KHDRBS2: variants seen among roughly 807,000 people sequenced by gnomAD.
The protein encoded by KHDRBS2 is KH domain-containing, RNA-binding, signal transduction-associated protein 2.
A neutral mutation model predicts 44.3 loss-of-function variants in KHDRBS2; 26 were observed. That is an observed-to-expected ratio of 0.59 (90% CI 0.43 to 0.81). The LOEUF is 0.81. KHDRBS2 is among the 40% of genes least tolerant of loss of function. The pLI, the probability that KHDRBS2 is intolerant of heterozygous loss-of-function variation, is 0.00. For missense variants in KHDRBS2, 476 were observed against 433.1 expected (o/e 1.10, Z -0.88); for synonymous variants, 194 against 151.1 (o/e 1.28, Z -2.08).
chr6:62,198,723 C>T (rs1043658406), intron 1 of KHDRBS2, among the ~76,000 whole-genome samples: 1 of 152,174 alleles, frequency 6.6e-6, no homozygotes, highest in Non-Finnish European at 1.5e-5. Flanking sequence ...GGAATCCTCC[C>T]TAACTCATTT....
intron 2 of KHDRBS2, among the ~76,000 whole-genome samples, chr6:62,085,483 A>C (rs1345028470): frequency 6.6e-6 from 1 of 152,138 alleles, no homozygotes; most frequent in African/African-American, 2.4e-5. Flanking sequence ...AAAAAAAAGG[A>C]AAAGGCAACA....
chr6:61,997,600 T>C (rs1183815564), intron 3 of KHDRBS2, among the ~76,000 whole-genome samples: 1 of 152,170 alleles, frequency 6.6e-6, no homozygotes, highest in Non-Finnish European at 1.5e-5. Context: ...CTTACCTAAA[T>C]TTAGGACCTT....
At chr6:62,101,249 T>C (rs1801826656) in intron 2 of KHDRBS2, among the ~76,000 whole-genome samples, 1 of 152,160 alleles carries the variant, frequency 6.6e-6, no homozygotes. Context: ...CTAGATGCTA[T>C]GGTCAATCTC....
rs567399981 is a variant in KHDRBS2 at position 62,159,726 on chromosome 6, T to C, written c.219+17459A>G. Among the ~76,000 whole-genome samples the C allele has an allele frequency of 5.8e-4, 88 of 152,324 alleles. 2 individuals are homozygous for C. Among genetic ancestry groups the C allele is most frequent in the African/African-American group, 2.0e-3 (84 of 41,578 alleles). On this transcript the variant is annotated intron_variant, in intron 2 of 8. Coordinates refer to ENST00000281156, the MANE Select transcript of KHDRBS2 (RefSeq NM_152688.4). ...CAATTAACACATATTTTGTATGTTA[T>C]ATGTATTATATACTGTATTACTACA...
At chr6:61,924,459 T>TATTG (rs1808600670) in intron 4 of KHDRBS2, among the ~76,000 whole-genome samples, 1 of 152,096 alleles carries the variant, frequency 6.6e-6, no homozygotes, top group Non-Finnish European at 1.5e-5. Context: ...CTAATCAGGT[T>TATTG]ACAATAAGTC....
intron 7 of KHDRBS2, among the ~76,000 whole-genome samples, chr6:61,700,195 T>G (rs961855771): frequency 6.6e-6 from 1 of 151,788 alleles, no homozygotes; most frequent in Non-Finnish European, 1.5e-5. Flanking sequence ...TTTCTATGAG[T>G]AAGCCCCGAT....
chr6:62,001,284 T>C (rs963428092), intron 3 of KHDRBS2, among the ~76,000 whole-genome samples: 1 of 152,074 alleles, frequency 6.6e-6, no homozygotes, highest in Non-Finnish European at 1.5e-5. Flanking sequence ...CAGAGTTTCA[T>C]CAAACAAAGA....
At chr6:61,931,146 G>C (rs1285402179) in intron 4 of KHDRBS2, among the ~76,000 whole-genome samples, 2 of 151,826 alleles carry the variant, frequency 1.3e-5, no homozygotes, top group Admixed American at 1.3e-4. Flanking sequence ...AAAAATATAA[G>C]AAGTTTCATC....
chr6:61,939,836 C>A (rs908541), intron 4 of KHDRBS2, among the ~76,000 whole-genome samples: 36 of 152,242 alleles, frequency 2.4e-4, no homozygotes, highest in Admixed American at 9.8e-4. Flanking sequence ...TATGGAGATG[C>A]AAAATTATAG....
intron 1 of KHDRBS2, among the ~76,000 whole-genome samples, chr6:62,232,865 G>A (rs181376791): frequency 2.8e-4 from 43 of 152,134 alleles, no homozygotes; most frequent in Admixed American, 1.7e-3. Flanking sequence ...AAGCCACCAC[G>A]GAACTAGAAG....
At chr6:61,711,304 T>C (rs1381424707) in intron 7 of KHDRBS2, among the ~76,000 whole-genome samples, 1 of 151,738 alleles carries the variant, frequency 6.6e-6, no homozygotes, top group Non-Finnish European at 1.5e-5. Flanking sequence ...AAATTTTTCC[T>C]GAATAGTACT....
intron 4 of KHDRBS2, among the ~76,000 whole-genome samples, chr6:61,905,835 A>T (rs1286838525): frequency 1.3e-5 from 2 of 151,204 alleles, no homozygotes; most frequent in African/African-American, 2.4e-5. Context: ...GCTTAAAAAA[A>T]ATATGGAACA....
chr6:61,660,980 T>A, the KHDRBS2 span, among the ~76,000 whole-genome samples: 1 of 151,876 alleles, frequency 6.6e-6, no homozygotes, highest in Non-Finnish European at 1.5e-5. Flanking sequence ...AGTTGATTAT[T>A]GCTTTTGTTT....
At chr6:62,120,964 T>A (rs895283985) in intron 2 of KHDRBS2, among the ~76,000 whole-genome samples, 6 of 152,154 alleles carry the variant, frequency 3.9e-5, no homozygotes, top group African/African-American at 1.4e-4. Context: ...TTGGGGATTA[T>A]TGTACACTGG....
At chr6:62,198,524 A>C (rs1309221597) in intron 1 of KHDRBS2, among the ~76,000 whole-genome samples, 1 of 152,170 alleles carries the variant, frequency 6.6e-6, no homozygotes, top group Admixed American at 6.5e-5. Flanking sequence ...CACCCTCCCA[A>C]GACTAAACCA....
the KHDRBS2 span, among the ~76,000 whole-genome samples, chr6:61,657,027 A>G: frequency 6.6e-6 from 1 of 151,936 alleles, no homozygotes; most frequent in South Asian, 2.1e-4. Flanking sequence ...TGGAGAAAGG[A>G]GTGGGGAAGC....
chr6:61,795,267 C>G (rs766038679), intron 6 of KHDRBS2, among the ~76,000 whole-genome samples: 1 of 150,446 alleles, frequency 6.6e-6, no homozygotes, highest in Non-Finnish European at 1.5e-5. Flanking sequence ...CTGAAAGTCA[C>G]ACTATTAAGA....
At chr6:62,052,818 T>TTA (rs1434819306) in intron 2 of KHDRBS2, among the ~76,000 whole-genome samples, 1 of 152,036 alleles carries the variant, frequency 6.6e-6, no homozygotes, top group African/African-American at 2.4e-5. Context: ...GTAATGGTAA[T>TTA]GCTGGCTTGC....
intron 1 of KHDRBS2, among the ~76,000 whole-genome samples, chr6:62,201,255 G>C (rs1826932364): frequency 6.6e-6 from 1 of 151,556 alleles, no homozygotes; most frequent in Admixed American, 6.6e-5. Flanking sequence ...TTTAGAGTAG[G>C]GACAAGAATT....
Sources: allele counts gnomAD v4.1 joint callset (sites outside exome capture counted in the v4.1 genomes callset), GRCh38; gene constraint gnomAD v4.1.1; transcripts MANE v1.5; gene names NCBI Gene and HGNC (gene_info 2026-07-23, HGNC 2026-07-21).